Variants in IQSEC1 observed in about 807,000 individuals in gnomAD.
IQSEC1 encodes the protein IQ motif and Sec7 domain ArfGEF 1, also known as IQ motif and SEC7 domain-containing protein 1.
IQSEC1 carries 31 observed loss-of-function variants against 91.0 expected under a neutral mutation model. That is an observed-to-expected ratio of 0.34 (90% CI 0.26 to 0.46). The LOEUF (loss-of-function observed/expected upper bound fraction) is 0.46. Ranked by LOEUF, IQSEC1 falls within the 20% of genes least tolerant of loss-of-function variation. The pLI, the probability that IQSEC1 is intolerant of heterozygous loss-of-function variation, is 1.00. For synonymous variants in IQSEC1, 699 were observed against 662.6 expected, an observed-to-expected ratio of 1.05 and a Z score of -0.84; for missense variants, 1,388 against 1,575.6, an observed-to-expected ratio of 0.88 and a Z score of 2.02.
At chr3:12,902,658 C>CAAAA in intron 13 of IQSEC1, 115 bp downstream of exon 13, 2 of 268,412 alleles carry the variant, frequency 7.5e-6, no homozygotes, top group Non-Finnish European at 6.9e-6. Flanking sequence ...AAAAAAACAA[C>CAAAA]AAAAAAAAAA....
At chr3:13,192,106 C>T (rs1171612121) in intron 1 of IQSEC1, among the ~76,000 whole-genome samples, 9 of 152,028 alleles carry the variant, frequency 5.9e-5, no homozygotes, top group African/African-American at 1.9e-4. Context: ...GAGGCCGAGG[C>T]GGGCGGATCA....
chr3:13,042,609 GTC>G, intron 1 of IQSEC1, among the ~76,000 whole-genome samples: 1 of 152,370 alleles, frequency 6.6e-6, no homozygotes, highest in Non-Finnish European at 1.5e-5. Context: ...TGCTGCTGCT[GTC>G]TCTGTTAGCT....
chr3:12,899,576 C>G lies in IQSEC1; in HGVS notation c.*1407G>C. On this transcript the variant is annotated 3_prime_UTR_variant, in exon 14 of 14. Transcript: ENST00000613206. ...TGTGATGCCCTGGCAGCTCACTGGA[C>G]CATGGGAAGGCAGCGGGGGCTCCGC... The G allele has an allele frequency of 6.8e-7, 1 of 1,479,668 alleles. No homozygotes were observed. Among genetic ancestry groups the G allele is most frequent in the Non-Finnish European group, 9.0e-7 (1 of 1,106,296 alleles). 91.7% of individuals were successfully genotyped at this position (1,479,668 alleles called of 1,614,324 possible). A position where few individuals can be genotyped will look rare whatever the true frequency, so the allele number is the denominator to read the frequency against.
At chr3:13,169,835 C>T (rs1693575519) in intron 1 of IQSEC1, among the ~76,000 whole-genome samples, 2 of 152,086 alleles carry the variant, frequency 1.3e-5, no homozygotes, top group Admixed American at 1.3e-4. Flanking sequence ...GACTTGGGTG[C>T]TGTTAAAGGC....
chr3:13,125,001 C>T (rs1706489935), intron 2 of IQSEC1, among the ~76,000 whole-genome samples: 1 of 152,216 alleles, frequency 6.6e-6, no homozygotes, highest in African/African-American at 2.4e-5. Flanking sequence ...CATCCTCCTT[C>T]TCCAGTCCAC....
At chr3:13,239,030 G>A (rs1424446994) in intron 1 of IQSEC1, among the ~76,000 whole-genome samples, 1 of 152,190 alleles carries the variant, frequency 6.6e-6, no homozygotes, top group Non-Finnish European at 1.5e-5. Context: ...CTCCGCTTGA[G>A]GACATGGGGT....
rs141943325 is a variant in IQSEC1, at chr3:13,211,869, C to T, written c.273-47736G>A. Reference sequence around the variant, plus strand: ...TCGCCCACCCTCGCAGGCACAGTCCCTCCACGCTGGTTTCGTGTCCACAGA... The same window carrying T: ...TCGCCCACCCTCGCAGGCACAGTCCTTCCACGCTGGTTTCGTGTCCACAGA... On this transcript the variant is annotated intron_variant, in intron 1 of 15. Coordinates refer to the IQSEC1 transcript ENST00000648114. This position sits in a 1 kb window ranked among gnomAD's most constrained non-coding sequence, Gnocchi z 5.3. Among the ~76,000 whole-genome samples, 60 of 152,370 alleles carry T rather than the reference C, an allele frequency of 3.9e-4. 1 individual carries two copies. In the East Asian group the frequency reaches 0.011, roughly 29 times the overall value.
At chr3:13,208,985 A>G (rs1417452539) in intron 1 of IQSEC1, among the ~76,000 whole-genome samples, 1 of 152,214 alleles carries the variant, frequency 6.6e-6, no homozygotes, top group Non-Finnish European at 1.5e-5. Flanking sequence ...ACCCCAAGGA[A>G]GCAGTGTGTG....
At position 13,101,167 on chromosome 3, in the gene IQSEC1, G is replaced by C. The variant is rs559798595; in HGVS notation, c.303-53645C>G. Among the ~76,000 whole-genome samples the C allele has an allele frequency of 2.0e-5, 3 of 152,180 alleles. No individual in the cohort carries two copies. In the South Asian group the frequency reaches 6.2e-4, roughly 32 times the overall value. On this transcript the variant is annotated intron_variant, in intron 2 of 15. Transcript: ENST00000648114. ...AGGGCTTCAAGCCTGACAGTGACAC[G>C]ATGCGACTTCTGTTTTTAAAAGCAC...
At chr3:13,002,547 C>CAAAA (rs57241537) in intron 1 of IQSEC1, among the ~76,000 whole-genome samples, 1 of 107,266 alleles carries the variant, frequency 9.3e-6, no homozygotes, top group Non-Finnish European at 2.0e-5. Context: ...ACCTGATCTC[C>CAAAA]AAAAAAAAAA....
intron 1 of IQSEC1, among the ~76,000 whole-genome samples, chr3:13,242,096 T>C (rs565243888): frequency 6.6e-6 from 1 of 152,304 alleles, no homozygotes; most frequent in East Asian, 1.9e-4. Context: ...GGACAGCTCC[T>C]AGGTGACAGC....
At chr3:13,175,929 C>A (rs1693719628) in intron 1 of IQSEC1, among the ~76,000 whole-genome samples, 1 of 152,260 alleles carries the variant, frequency 6.6e-6, no homozygotes, top group Admixed American at 6.5e-5. Context: ...CCACCATCAC[C>A]TGGGTAATTA....
intron 1 of IQSEC1, among the ~76,000 whole-genome samples, chr3:13,225,031 G>A (rs971721847): frequency 1.3e-5 from 2 of 152,276 alleles, no homozygotes; most frequent in African/African-American, 4.8e-5. Context: ...CCCAGCAGTA[G>A]TGAGACATTC....
Position 12,901,174 on chromosome 3 carries a change from T to C in IQSEC1, c.3154A>G (p.Ile1052Val). 1.9e-6 allele frequency: 3 copies of C among 1,541,156 alleles called. No individual in the cohort carries two copies. The highest frequency in any genetic ancestry group is 2.6e-6 in the Non-Finnish European group (3 of 1,141,726). The part of the protein sequence containing the change: ...HHHHHHPPQH[I>V]QHAHQYHHGP... ...TGGTGGTACTGGTGTGCGTGCTGGA[T>C]GTGCTGGGGTGGGTGGTGGTGGTGG... The change falls in exon 14 of 14, where the codon ATC becomes GTC. Residue 1052 changes from isoleucine (I) to valine (V), a missense_variant. By Grantham distance (29) the Ile-to-Val change is conservative (BLOSUM62 3). Around this residue, in one of 2 missense-constraint regions of IQSEC1, gnomAD observed 329 missense variants for 257.8 expected, o/e 1.28. Transcript: ENST00000613206.
intron 2 of IQSEC1, among the ~76,000 whole-genome samples, chr3:13,109,388 C>T (rs1034710853): frequency 1.3e-5 from 2 of 152,156 alleles, no homozygotes; most frequent in Non-Finnish European, 2.9e-5. Flanking sequence ...ACAGAGCCCT[C>T]GATCAGGTAA....
At chr3:13,088,946 G>C (rs62232942) in intron 2 of IQSEC1, among the ~76,000 whole-genome samples, 1 of 152,280 alleles carries the variant, frequency 6.6e-6, no homozygotes, top group Non-Finnish European at 1.5e-5. Context: ...AGGGCCAGGA[G>C]AAGGGCTGGA....
intron 1 of IQSEC1, among the ~76,000 whole-genome samples, chr3:13,245,023 TACAA>T (rs2125107849): frequency 6.6e-6 from 1 of 152,322 alleles, no homozygotes; most frequent in East Asian, 1.9e-4. Context: ...ACTATGATGC[TACAA>T]ACAAACTGCC....
intron 1 of IQSEC1, among the ~76,000 whole-genome samples, chr3:13,174,351 G>C (rs1324337199): frequency 6.6e-6 from 1 of 152,120 alleles, no homozygotes; most frequent in African/African-American, 2.4e-5. Context: ...CCAAACTCAC[G>C]TGGCCAGCTG....
At chr3:13,086,541 G>A (rs1705738891) in intron 2 of IQSEC1, among the ~76,000 whole-genome samples, 1 of 152,132 alleles carries the variant, frequency 6.6e-6, no homozygotes, top group South Asian at 2.1e-4. Context: ...CTGTATTGCG[G>A]TGTATCGTGG....
Sources: allele counts gnomAD v4.1 joint callset (sites outside exome capture counted in the v4.1 genomes callset), GRCh38; gene constraint gnomAD v4.1.1; regional missense constraint gnomAD v4.1.1; non-coding constraint Gnocchi (gnomAD v3.1); transcripts MANE v1.5; gene names NCBI Gene and HGNC (gene_info 2026-07-23, HGNC 2026-07-21).